Variants in ZFPM2 observed in about 807,000 individuals in gnomAD.
ZFPM2 encodes zinc finger protein ZFPM2.
A neutral mutation model predicts 98.6 loss-of-function variants in ZFPM2; 20 were observed. The observed-to-expected ratio is 0.20, with a 90% CI of 0.14 to 0.29. The LOEUF (loss-of-function observed/expected upper bound fraction) is 0.29, where lower values mean the gene tolerates loss of function less well. ZFPM2 is among the 10% of genes least tolerant of loss of function. ZFPM2 has a pLI of 1.00. For synonymous variants in ZFPM2, 518 were observed against 502.7 expected, an observed-to-expected ratio of 1.03 and a Z score of -0.41; for missense variants, 1,310 against 1,388.6, an observed-to-expected ratio of 0.94 and a Z score of 0.90.
rs371517384 is a variant in ZFPM2 at position 105,444,280 on chromosome 8, G to A, written c.200G>A (p.Gly67Asp). The A allele has an allele frequency of 6.2e-7, 1 of 1,608,750 alleles. No homozygotes were observed. Among genetic ancestry groups the A allele is most frequent in the East Asian group, 2.2e-5 (1 of 44,736 alleles). Residue 67 changes from glycine (G) to aspartate (D), a missense_variant and splice_region_variant, in exon 3 of 8, where the codon GGT (glycine) becomes GAT (aspartate). Gly to Asp is a moderately conservative substitution (Grantham distance 94, BLOSUM62 -1). Transcript: ENST00000407775. ...CTCTCCTTGTGTTGGTGTTTTCCAG[G>A]TGATGATGAAGGAATCCAGGAGACA... ...CEEVEYFCNK[G>D]DDEGIQETAE...
intron 5 of ZFPM2, among the ~76,000 whole-genome samples, chr8:105,786,041 CAAAAAAAAAAAAAAAA>C (rs60740995): frequency 5.0e-5 from 2 of 39,830 alleles, no homozygotes; most frequent in African/African-American, 1.4e-4. Context: ...GACTCCGTCT[CAAAAAAAAAAAAAAAA>C]AAAAAAAAAA....
At chr8:105,513,017 T>G (rs2130514575) in intron 3 of ZFPM2, among the ~76,000 whole-genome samples, 1 of 152,300 alleles carries the variant, frequency 6.6e-6, no homozygotes, top group African/African-American at 2.4e-5. Context: ...TTTTAAGTGT[T>G]AACTCTACAT....
chr8:105,377,776 T>C (rs1810760996), intron 1 of ZFPM2, among the ~76,000 whole-genome samples: 1 of 152,032 alleles, frequency 6.6e-6, no homozygotes, highest in Admixed American at 6.6e-5. Flanking sequence ...CAATACTCTG[T>C]CTCAAAAGAA....
chr8:105,726,745 G>C (rs61430165), intron 5 of ZFPM2, among the ~76,000 whole-genome samples: 8,125 of 151,752 alleles, frequency 0.054, 736 homozygotes, highest in African/African-American at 0.19. Flanking sequence ...TGATAAGTGT[G>C]GCAGGATGTG....
chr8:105,769,425 G>T (rs1161967731), intron 5 of ZFPM2, among the ~76,000 whole-genome samples: 1 of 151,970 alleles, frequency 6.6e-6, no homozygotes, highest in Non-Finnish European at 1.5e-5. Flanking sequence ...CCTACTATGG[G>T]ATACTTCAAA....
intron 4 of ZFPM2, among the ~76,000 whole-genome samples, chr8:105,599,801 A>G (rs138829461): frequency 6.6e-6 from 1 of 152,252 alleles, no homozygotes; most frequent in African/African-American, 2.4e-5. Flanking sequence ...AAATTAGAAG[A>G]GATTCCTGAT....
chr8:105,421,752 G>A (rs1811796531), intron 2 of ZFPM2, among the ~76,000 whole-genome samples: 2 of 152,158 alleles, frequency 1.3e-5, no homozygotes, highest in African/African-American at 4.8e-5. Context: ...GGACAGATTA[G>A]CAATTAAAAG....
intron 1 of ZFPM2, among the ~76,000 whole-genome samples, chr8:105,397,835 G>A (rs1465662126): frequency 6.6e-6 from 1 of 151,608 alleles, no homozygotes; most frequent in African/African-American, 2.4e-5. Context: ...TGTAACTCCG[G>A]TTGTCAAAGC....
intron 5 of ZFPM2, among the ~76,000 whole-genome samples, chr8:105,644,211 C>A (rs1311228052): frequency 6.6e-6 from 1 of 151,780 alleles, no homozygotes; most frequent in South Asian, 2.1e-4. Flanking sequence ...CTTAAAAATA[C>A]AAACAGTGAC....
At chr8:105,398,415 T>C (rs2129970353) in intron 1 of ZFPM2, among the ~76,000 whole-genome samples, 1 of 152,312 alleles carries the variant, frequency 6.6e-6, no homozygotes, top group Admixed American at 6.5e-5. Context: ...GAACAAACAT[T>C]GTGATGGATT....
At chr8:105,348,001 A>G (rs1812571037) in intron 1 of ZFPM2, among the ~76,000 whole-genome samples, 1 of 152,134 alleles carries the variant, frequency 6.6e-6, no homozygotes, top group African/African-American at 2.4e-5. Context: ...TTTCCTATCC[A>G]GCTTGAGGAC....
At chr8:105,729,490 A>G (rs1811882428) in intron 5 of ZFPM2, among the ~76,000 whole-genome samples, 1 of 151,666 alleles carries the variant, frequency 6.6e-6, no homozygotes, top group Non-Finnish European at 1.5e-5. Context: ...AATGTATTGT[A>G]TAGACATTTT....
intron 3 of ZFPM2, among the ~76,000 whole-genome samples, chr8:105,474,695 G>A (rs1378329589): frequency 6.6e-6 from 1 of 152,154 alleles, no homozygotes; most frequent in Non-Finnish European, 1.5e-5. Context: ...TAGCTAATGT[G>A]CACTTACATA....
intron 5 of ZFPM2, among the ~76,000 whole-genome samples, chr8:105,634,939 G>A (rs1816819084): frequency 6.6e-6 from 1 of 152,182 alleles, no homozygotes; most frequent in Admixed American, 6.5e-5. Context: ...CATCAACCCA[G>A]ACTGTGTCAT....
chr8:105,372,338 G>A (rs1020059228), intron 1 of ZFPM2, among the ~76,000 whole-genome samples: 10 of 152,002 alleles, frequency 6.6e-5, no homozygotes, highest in African/African-American at 1.4e-4. Flanking sequence ...CACCGCGCCC[G>A]GCCTATTATT....
At chr8:105,598,943 C>T (rs1196194467) in intron 4 of ZFPM2, among the ~76,000 whole-genome samples, 12 of 152,204 alleles carry the variant, frequency 7.9e-5, no homozygotes, top group Non-Finnish European at 1.6e-4. Flanking sequence ...CAGCAAGACA[C>T]TGCATGTGGT....
chr8:105,362,413 A>G (rs1024226799), intron 1 of ZFPM2, among the ~76,000 whole-genome samples: 1 of 151,986 alleles, frequency 6.6e-6, no homozygotes, highest in Non-Finnish European at 1.5e-5. Flanking sequence ...GTTATGTCTG[A>G]CGCCTACTGA....
chr8:105,783,536 C>G (rs1813323471), intron 5 of ZFPM2, among the ~76,000 whole-genome samples: 1 of 152,038 alleles, frequency 6.6e-6, no homozygotes, highest in South Asian at 2.1e-4. Flanking sequence ...TATGCTAAAC[C>G]TAAATCCTCA....
chr8:105,787,959 A>ACATT (rs1813471390), intron 5 of ZFPM2, among the ~76,000 whole-genome samples: 1 of 152,242 alleles, frequency 6.6e-6, no homozygotes, highest in Non-Finnish European at 1.5e-5. Flanking sequence ...GTTGACATGC[A>ACATT]GTGCCAGAGT....
Sources: allele counts gnomAD v4.1 joint callset (sites outside exome capture counted in the v4.1 genomes callset), GRCh38; gene constraint gnomAD v4.1.1; transcripts MANE v1.5; gene names NCBI Gene and HGNC (gene_info 2026-07-23, HGNC 2026-07-21).